Variants in UTRN observed in about 807,000 individuals in gnomAD.
The protein encoded by UTRN is utrophin, also known as dystrophin-related protein 1.
Under a neutral mutation model 463.9 loss-of-function variants are expected in UTRN, and 283 were observed. The observed-to-expected ratio is 0.61, with a 90% CI of 0.55 to 0.67. The LOEUF (loss-of-function observed/expected upper bound fraction) is 0.67. UTRN is among the 30% of genes least tolerant of loss of function. The pLI, the probability that UTRN is intolerant of heterozygous loss-of-function variation, is 0.00. For synonymous variants in UTRN, 1,442 were observed against 1,431.5 expected (o/e 1.01, Z -0.17); for missense variants, 3,922 against 4,084.3 (o/e 0.96, Z 1.08).
At chr6:144,564,881 A>G (rs1800263048) in intron 50 of UTRN, among the ~76,000 whole-genome samples, 1 of 152,220 alleles carries the variant, frequency 6.6e-6, no homozygotes, top group Non-Finnish European at 1.5e-5. Flanking sequence ...GAGTTTGGAT[A>G]TTAAAAGTAC....
At chr6:144,309,344 G>A (rs1806039484) in intron 2 of UTRN, among the ~76,000 whole-genome samples, 1 of 152,132 alleles carries the variant, frequency 6.6e-6, no homozygotes, top group South Asian at 2.1e-4. Flanking sequence ...CTGCATACTT[G>A]CATTTCCAGT....
At chr6:144,349,041 G>A (rs7770584) in intron 2 of UTRN, among the ~76,000 whole-genome samples, 85 of 151,974 alleles carry the variant, frequency 5.6e-4, no homozygotes, top group African/African-American at 2.0e-3. Flanking sequence ...ACGGAGTCTC[G>A]CTCTGTCGCC....
At chr6:144,590,862 A>G (rs1802979328) in intron 51 of UTRN, among the ~76,000 whole-genome samples, 1 of 127,782 alleles carries the variant, frequency 7.8e-6, no homozygotes, top group African/African-American at 3.6e-5. Context: ...ACACACACAC[A>G]CACACACACA....
intron 55 of UTRN, among the ~76,000 whole-genome samples, chr6:144,748,953 G>A (rs1221446886): frequency 6.6e-6 from 1 of 152,024 alleles, no homozygotes; most frequent in Non-Finnish European, 1.5e-5. Context: ...ATAGTCTCCA[G>A]GTTCCTCTCT....
At chr6:144,467,322 C>T (rs868085881) in intron 23 of UTRN, among the ~76,000 whole-genome samples, 1 of 152,224 alleles carries the variant, frequency 6.6e-6, no homozygotes. Context: ...GACTGTGTGT[C>T]ATTTACACCT....
intron 71 of UTRN, chr6:144,838,955 G>A (rs556888086): frequency 4.9e-5 from 22 of 451,594 alleles, no homozygotes; most frequent in Non-Finnish European, 7.9e-5. Flanking sequence ...AATGAGTCTG[G>A]CAGCATAACC....
chr6:144,423,681 G>A (rs1785052015), intron 5 of UTRN, 55 bp downstream of exon 5: 1 of 1,587,950 alleles, frequency 6.3e-7, no homozygotes, highest in Non-Finnish European at 8.6e-7. Flanking sequence ...ATTATTTATT[G>A]TGAAACTCAC....
At chr6:144,330,766 TG>T in intron 2 of UTRN, 1 of 957,140 alleles carries the variant, frequency 1.0e-6, no homozygotes, top group Non-Finnish European at 1.2e-6. Flanking sequence ...GAGGCAGGAA[TG>T]TGACCATTCT....
chr6:144,653,976 T>C (rs79949068), intron 51 of UTRN, among the ~76,000 whole-genome samples: 2,373 of 152,340 alleles, frequency 0.016, 53 homozygotes, highest in African/African-American at 0.053. Context: ...TCACCGTCTA[T>C]GTAGAACTCA....
intron 56 of UTRN, among the ~76,000 whole-genome samples, chr6:144,754,018 C>A (rs1408279840): frequency 6.6e-6 from 1 of 152,118 alleles, no homozygotes; most frequent in Non-Finnish European, 1.5e-5. Context: ...TGCATACTCA[C>A]ATGTCTTTTC....
chr6:144,770,326 T>C (rs2128732265), intron 58 of UTRN, among the ~76,000 whole-genome samples: 1 of 152,334 alleles, frequency 6.6e-6, no homozygotes, highest in Non-Finnish European at 1.5e-5. Flanking sequence ...CCTGTGTATA[T>C]ATAACAGTGA....
chr6:144,688,880 A>G (rs1783029279), intron 52 of UTRN, among the ~76,000 whole-genome samples: 1 of 152,128 alleles, frequency 6.6e-6, no homozygotes, highest in African/African-American at 2.4e-5. Context: ...ATGAGTAAAA[A>G]CCAAACAGGT....
At chr6:144,826,728 G>C (rs1586738661) in intron 66 of UTRN, among the ~76,000 whole-genome samples, 3 of 152,060 alleles carry the variant, frequency 2.0e-5, no homozygotes, top group African/African-American at 7.2e-5. Context: ...CATGATCTCA[G>C]GAAGTTGCCT....
intron 67 of UTRN, 60 bp from the exon 68 acceptor site, chr6:144,827,551 A>G: frequency 1.2e-6 from 2 of 1,606,302 alleles, no homozygotes; most frequent in African/African-American, 1.3e-5. Flanking sequence ...TAACATTTCT[A>G]ATAGTAACAC....
chr6:144,768,948 G>GTTTTTTTTTTTTT (rs35525101), intron 58 of UTRN, among the ~76,000 whole-genome samples: 4 of 126,018 alleles, frequency 3.2e-5, no homozygotes, highest in African/African-American at 9.6e-5. Context: ...TTTGTTTTTT[G>GTTTTTTTTTTTTT]TTTTGTTTTG....
chr6:144,841,535 C>T (rs548003661), intron 73 of UTRN, among the ~76,000 whole-genome samples: 41 of 152,256 alleles, frequency 2.7e-4, no homozygotes, highest in African/African-American at 9.6e-4. Flanking sequence ...GCTGAGCTCT[C>T]ACCTAAAACA....
At chr6:144,783,886 C>T (rs1586558081) in intron 61 of UTRN, among the ~76,000 whole-genome samples, 1 of 152,074 alleles carries the variant, frequency 6.6e-6, no homozygotes, top group Non-Finnish European at 1.5e-5. Context: ...ACGGGATTTG[C>T]GATATCTCTG....
chr6:144,663,396 C>T (rs974793389), intron 51 of UTRN, among the ~76,000 whole-genome samples: 4 of 152,016 alleles, frequency 2.6e-5, no homozygotes, highest in South Asian at 2.1e-4. Flanking sequence ...TTATTTGCCA[C>T]GCTGATTTTA....
intron 2 of UTRN, among the ~76,000 whole-genome samples, chr6:144,349,240 C>T (rs766102987): frequency 6.6e-6 from 1 of 152,184 alleles, no homozygotes; most frequent in Admixed American, 6.5e-5. Context: ...GATCTCCTGA[C>T]CTCGTGATCC....
Sources: allele counts gnomAD v4.1 joint callset (sites outside exome capture counted in the v4.1 genomes callset), GRCh38; gene constraint gnomAD v4.1.1; transcripts MANE v1.5; gene names NCBI Gene and HGNC (gene_info 2026-07-23, HGNC 2026-07-21).